Variants in ST3GAL4 observed in about 807,000 individuals in gnomAD.
ST3GAL4 encodes the protein ST3 beta-galactoside alpha-2,3-sialyltransferase 4, also known as CMP-N-acetylneuraminate-beta-galactosamide-alpha-2,3-sialyltransferase 4.
In ST3GAL4, 24 loss-of-function variants were observed where a neutral mutation model predicts 42.6. That is an observed-to-expected ratio of 0.56 (90% CI 0.41 to 0.79). The LOEUF (loss-of-function observed/expected upper bound fraction) is 0.79, where lower values mean the gene tolerates loss of function less well. Ranked by LOEUF, ST3GAL4 falls within the 30% of genes least tolerant of loss-of-function variation. The pLI is 0.00. For missense variants in ST3GAL4, 311 were observed against 430.8 expected (o/e 0.72, Z 2.46); for synonymous variants, 135 against 163.2 (o/e 0.83, Z 1.32).
intron 10 of ST3GAL4, 54 bp downstream of exon 10, chr11:126,413,702 C>T (rs566841693): frequency 1.2e-6 from 2 of 1,604,064 alleles, no homozygotes; most frequent in South Asian, 2.2e-5. Flanking sequence ...GGCAGACAGT[C>T]AGAGGGGCAC....
intron 1 of ST3GAL4, among the ~76,000 whole-genome samples, chr11:126,395,411 C>T (rs550296716): frequency 6.6e-6 from 1 of 152,220 alleles, no homozygotes; most frequent in South Asian, 2.1e-4. Flanking sequence ...CCCATGTCTA[C>T]AGAAAAGCAT....
At chr11:126,404,900 T>A (rs907114215) in intron 1 of ST3GAL4, among the ~76,000 whole-genome samples, 2 of 152,226 alleles carry the variant, frequency 1.3e-5, no homozygotes, top group African/African-American at 4.8e-5. Flanking sequence ...TCAGGATCAT[T>A]GGTTAATGGT....
chr11:126,407,939 A>G (rs1954331830), intron 6 of ST3GAL4, among the ~76,000 whole-genome samples, 160 bp from the exon 7 acceptor site: 1 of 152,108 alleles, frequency 6.6e-6, no homozygotes, highest in African/African-American at 2.4e-5. Flanking sequence ...CTGTAAAGTC[A>G]GCATGACCCT....
intron 1 of ST3GAL4, among the ~76,000 whole-genome samples, chr11:126,371,355 G>T (rs553729299): frequency 1.3e-5 from 2 of 151,394 alleles, no homozygotes; most frequent in Non-Finnish European, 2.9e-5. Flanking sequence ...AGTAGAGACG[G>T]GGTTTCACCA....
At chr11:126,364,842 C>G (rs1380985044) in intron 1 of ST3GAL4, among the ~76,000 whole-genome samples, 1 of 151,542 alleles carries the variant, frequency 6.6e-6, no homozygotes, top group Non-Finnish European at 1.5e-5. Context: ...GCCTGTGGCC[C>G]TGATCACCGC....
Position 126,392,489 on chromosome 11 carries a change from C to A in ST3GAL4, c.-60-13607C>A. 4.3e-6 allele frequency: 2 copies of A among 461,336 alleles called. No homozygotes were observed. The highest frequency in any genetic ancestry group is 5.7e-6 in the Non-Finnish European group (2 of 350,814). The allele number at this position is 461,336 out of a possible 1,614,324, so 28.6% of individuals were successfully genotyped here. A position where few individuals can be genotyped will look rare whatever the true frequency, so the allele number is the denominator to read the frequency against. ...GAAAGTGCGCTGGCTCTGCCAGCTC[C>A]CAGTGTGAGCTTCTAGCAAGCCCCT... On this transcript the variant is annotated intron_variant, in intron 1 of 10. Transcript: ENST00000444328. This position sits in a 1 kb window ranked among gnomAD's most constrained non-coding sequence, Gnocchi z 5.8.
chr11:126,380,547 A>G (rs1952956993), intron 1 of ST3GAL4, among the ~76,000 whole-genome samples: 2 of 152,202 alleles, frequency 1.3e-5, no homozygotes, highest in African/African-American at 4.8e-5. Flanking sequence ...CTTTTGGCCA[A>G]GGTAATTCAG....
At chr11:126,364,721 G>T (rs978784631) in intron 1 of ST3GAL4, among the ~76,000 whole-genome samples, 7 of 150,150 alleles carry the variant, frequency 4.7e-5, no homozygotes, top group Non-Finnish European at 8.9e-5. Context: ...GTGCTCAGGA[G>T]GGCAGAATAA....
At chr11:126,387,876 T>C (rs1054831737) in intron 1 of ST3GAL4, among the ~76,000 whole-genome samples, 10 of 152,216 alleles carry the variant, frequency 6.6e-5, no homozygotes, top group African/African-American at 2.2e-4. Context: ...TTTGGAGATA[T>C]GGATATCGTT....
Position 126,388,433 on chromosome 11 carries a change from C to T in ST3GAL4, c.-60-17663C>T, listed in dbSNP as rs1422467236. On this transcript the variant is annotated intron_variant, in intron 1 of 10. Transcript: ENST00000444328. ...GCAACCTCCACCTCCTGGGTTCAAG[C>T]GATTCTTCTGCCTCAGCCTCCTAAG... 3.3e-5 allele frequency among the ~76,000 whole-genome samples: 5 copies of T among 151,848 alleles called. No homozygotes were observed. The East Asian group carries it at 7.8e-4, about 24-fold the overall frequency.
chr11:126,356,120 A>G (rs1464058396), intron 1 of ST3GAL4: 2 of 152,286 alleles, frequency 1.3e-5, no homozygotes, highest in South Asian at 2.1e-4. Flanking sequence ...TCCGCCCCCA[A>G]TCCCCCAGCC....
rs1329916885 is a variant in ST3GAL4 at position 126,378,649 on chromosome 11, C to T, written c.-61+22807C>T. ...GTCTCGATCTCCTGACCTCGTGATC[C>T]ACCCTCCTCGGCCCCCCAAAGGGAT... On this transcript the variant is annotated intron_variant, in intron 1 of 10. Transcript: ENST00000444328. This position sits in a 1 kb window ranked among gnomAD's most constrained non-coding sequence, Gnocchi z 5.3. Among the ~76,000 whole-genome samples, 1 of 152,164 alleles carries T rather than the reference C, an allele frequency of 6.6e-6. No individual in the cohort carries two copies. The highest frequency in any genetic ancestry group is 1.9e-4 in the East Asian group (1 of 5,194).
intron 1 of ST3GAL4, among the ~76,000 whole-genome samples, chr11:126,380,374 C>T (rs1332673028): frequency 6.6e-6 from 1 of 152,028 alleles, no homozygotes; most frequent in African/African-American, 2.4e-5. Flanking sequence ...TGGCATCATA[C>T]ATCAAGACCT....
rs1591487878 is a variant in ST3GAL4, at chr11:126,406,205, G to A, written c.16+34G>A. ...CATCCGAGGGCTCCCCCACCCTGGA[G>A]GACAGGCCTCAGAAGCCGTCTTCAG... On this transcript the variant is annotated intron_variant, in intron 2 of 10. Coordinates refer to ENST00000444328, the MANE Select transcript of ST3GAL4 (RefSeq NM_001254757.2). This position sits in a 1 kb window ranked among gnomAD's most constrained non-coding sequence, Gnocchi z 5.4. 1 of 1,556,410 alleles carries A rather than the reference G, an allele frequency of 6.4e-7. No individual in the cohort carries two copies. The highest frequency in any genetic ancestry group is 2.4e-5 in the East Asian group (1 of 41,242).
chr11:126,385,045 G>A (rs886358731), intron 1 of ST3GAL4, among the ~76,000 whole-genome samples: 4 of 152,154 alleles, frequency 2.6e-5, no homozygotes, highest in African/African-American at 9.7e-5. Flanking sequence ...ACCAGGATAT[G>A]TTTTGAGACT....
rs1953155922 is a variant in ST3GAL4 at position 126,384,810 on chromosome 11, G to GC, written c.-60-21284dup. The GC allele has an allele frequency of 1.0e-6, 1 of 985,278 alleles. No homozygotes were observed. Among genetic ancestry groups the GC allele is most frequent in the Non-Finnish European group, 1.2e-6 (1 of 829,936 alleles). The allele number at this position is 985,278 out of a possible 1,614,324, so 61.0% of individuals were successfully genotyped here. A position where few individuals can be genotyped will look rare whatever the true frequency, so the allele number is the denominator to read the frequency against. Reference sequence around the variant, plus strand: ...GGCAGTGCCTCTGCCTGTCTCCCTGGCCGTGGCAGGTCCTTTGTCACATAT... The same window carrying GC: ...GGCAGTGCCTCTGCCTGTCTCCCTGGCCCGTGGCAGGTCCTTTGTCACATAT... On this transcript the variant is annotated intron_variant, in intron 1 of 10. Coordinates refer to ENST00000444328, the MANE Select transcript of ST3GAL4 (RefSeq NM_001254757.2). This position sits in a 1 kb window ranked among gnomAD's most constrained non-coding sequence, Gnocchi z 5.5.
chr11:126,401,599 C>T lies in ST3GAL4; in HGVS notation c.-60-4497C>T, dbSNP rs80110369. On this transcript the variant is annotated intron_variant, in intron 1 of 10. Coordinates refer to ENST00000444328, the MANE Select transcript of ST3GAL4 (RefSeq NM_001254757.2). ...AGAAGAAAAAAAAAAAGGTGGGCCCCGGCAGCAGAGCCTACTGTCCCGGAG... is the reference window on the plus strand; with the variant it reads ...AGAAGAAAAAAAAAAAGGTGGGCCCTGGCAGCAGAGCCTACTGTCCCGGAG... 9.8e-3 allele frequency among the ~76,000 whole-genome samples: 1,443 copies of T among 147,478 alleles called. 23 individuals are homozygous for T. Among genetic ancestry groups the T allele is most frequent in the African/African-American group, 0.033 (1,378 of 41,162 alleles).
At chr11:126,390,121 G>A (rs1040850386) in intron 1 of ST3GAL4, among the ~76,000 whole-genome samples, 1 of 135,846 alleles carries the variant, frequency 7.4e-6, no homozygotes, top group Non-Finnish European at 1.6e-5. Context: ...AGGCAGAGCT[G>A]CAGTGAGCTG....
chr11:126,408,139 C>T lies in ST3GAL4; in HGVS notation c.382C>T (p.Arg128Trp), dbSNP rs368959747. 9.3e-6 allele frequency: 15 copies of T among 1,614,006 alleles called. No individual in the cohort carries two copies. Among genetic ancestry groups the T allele is most frequent in the East Asian group, 2.2e-5 (1 of 44,880 alleles). The change falls in exon 7 of 11, where the codon CGG becomes TGG. Residue 128 changes from arginine to tryptophan, a missense_variant. By Grantham distance (101) the Arg-to-Trp change is moderately radical (BLOSUM62 -3). Coordinates refer to ENST00000444328, the MANE Select transcript of ST3GAL4 (RefSeq NM_001254757.2). ...RRCVVVGNGH[R>W]LRNSSLGDAI... ...CTGTGTGGTCGTGGGGAACGGGCACCGGCTGCGGAACAGCTCACTGGGAGA... is the reference window on the plus strand; with the variant it reads ...CTGTGTGGTCGTGGGGAACGGGCACTGGCTGCGGAACAGCTCACTGGGAGA...
Sources: gnomAD v4.1 joint callset for allele counts (sites outside exome capture counted in the v4.1 genomes callset) on GRCh38, gnomAD v4.1.1 for gene constraint, Gnocchi (gnomAD v3.1) non-coding constraint, MANE v1.5 for transcripts, NCBI Gene and HGNC (gene_info 2026-07-23, HGNC 2026-07-21) for gene names.